The following KYNU variants were observed in gnomAD, a reference collection of about 807,000 sequenced individuals.
The protein encoded by KYNU is L-kynurenine hydrolase.
A neutral mutation model predicts 59.2 loss-of-function variants in KYNU; 54 were observed. That is an observed-to-expected ratio of 0.91 (90% CI 0.73 to 1.14). The LOEUF (loss-of-function observed/expected upper bound fraction) is 1.14, where lower values mean the gene tolerates loss of function less well. KYNU is among the 50% of genes most tolerant of loss of function. The pLI, the probability that KYNU is intolerant of heterozygous loss-of-function variation, is 0.00. For synonymous variants in KYNU, 177 were observed against 192.0 expected, an observed-to-expected ratio of 0.92 and a Z score of 0.65; for missense variants, 567 against 554.4, an observed-to-expected ratio of 1.02 and a Z score of -0.23.
At chr2:142,926,426 A>G (rs1455633445) in intron 3 of KYNU, among the ~76,000 whole-genome samples, 3 of 151,230 alleles carry the variant, frequency 2.0e-5, no homozygotes, top group African/African-American at 7.3e-5. Context: ...TCTCTGTAGT[A>G]AAAAAAAATA....
intron 2 of KYNU, among the ~76,000 whole-genome samples, chr2:142,913,500 C>T (rs565672839): frequency 6.6e-6 from 1 of 152,082 alleles, no homozygotes; most frequent in Non-Finnish European, 1.5e-5. Context: ...TAATAGTGTA[C>T]TTCTGAGAGA....
intron 2 of KYNU, among the ~76,000 whole-genome samples, chr2:142,894,416 C>G (rs910419340): frequency 6.6e-6 from 1 of 152,148 alleles, no homozygotes; most frequent in African/African-American, 2.4e-5. Flanking sequence ...AATCTTCACT[C>G]ACTACCTTCT....
At chr2:143,005,351 T>C in intron 10 of KYNU, among the ~76,000 whole-genome samples, 1 of 152,174 alleles carries the variant, frequency 6.6e-6, no homozygotes, top group East Asian at 1.9e-4. Flanking sequence ...AGCTCTCATA[T>C]ACCAGGTTCC....
chr2:142,984,517 A>T (rs1159356510), intron 8 of KYNU, among the ~76,000 whole-genome samples: 1 of 152,102 alleles, frequency 6.6e-6, no homozygotes, highest in East Asian at 1.9e-4. Flanking sequence ...GTTGTCCATG[A>T]TATAAAAGTG....
At chr2:143,016,992 A>T (rs1425166123) in intron 10 of KYNU, among the ~76,000 whole-genome samples, 1 of 152,122 alleles carries the variant, frequency 6.6e-6, no homozygotes, top group Non-Finnish European at 1.5e-5. Flanking sequence ...ATCAGTGAGA[A>T]CCTGCGATAT....
intron 2 of KYNU, among the ~76,000 whole-genome samples, chr2:142,900,725 A>T (rs1002228223): frequency 6.6e-6 from 1 of 152,108 alleles, no homozygotes; most frequent in Non-Finnish European, 1.5e-5. Flanking sequence ...CTGTTGAGAG[A>T]TTGGCCGATG....
At chr2:142,990,060 C>A (rs1290855259) in intron 10 of KYNU, 2 of 151,818 alleles carry the variant, frequency 1.3e-5, no homozygotes, top group Non-Finnish European at 2.9e-5. Context: ...CAACGCACGG[C>A]ATTAAGCATC....
chr2:142,964,338 G>A (rs11690108), intron 8 of KYNU, among the ~76,000 whole-genome samples: 4,048 of 151,988 alleles, frequency 0.027, 83 homozygotes, highest in Non-Finnish European at 0.046. Flanking sequence ...GAACCATAAG[G>A]TATTTGTATA....
chr2:142,913,353 G>A (rs1004369501), intron 2 of KYNU, among the ~76,000 whole-genome samples: 13 of 152,120 alleles, frequency 8.5e-5, no homozygotes, highest in African/African-American at 3.1e-4. Flanking sequence ...TCATAATACT[G>A]TGTTTGCTGC....
intron 3 of KYNU, 79 bp downstream of exon 3, chr2:142,918,808 G>T: frequency 6.8e-7 from 1 of 1,468,696 alleles, no homozygotes; most frequent in Non-Finnish European, 9.5e-7. Flanking sequence ...CTAATATTTG[G>T]AAAGATGTGT....
chr2:142,947,090 C>A, intron 4 of KYNU: 2 of 1,550,980 alleles, frequency 1.3e-6, no homozygotes, highest in Non-Finnish European at 1.7e-6. Flanking sequence ...ACAATATGTC[C>A]TTTTGTTGCT....
chr2:142,893,052 T>G (rs1245616860), intron 2 of KYNU, among the ~76,000 whole-genome samples: 2 of 152,260 alleles, frequency 1.3e-5, no homozygotes, highest in Admixed American at 6.5e-5. Context: ...AACACAATTT[T>G]TGTTCTTGGT....
chr2:143,051,248 T>C lies in KYNU; in HGVS notation c.*9076T>C, dbSNP rs1351168861. 1 of 152,186 alleles carries C rather than the reference T, an allele frequency of 6.6e-6. No individual in the cohort carries two copies. Among genetic ancestry groups the C allele is most frequent in the Non-Finnish European group, 1.5e-5 (1 of 68,032 alleles). The allele number at this position is 152,186 out of a possible 1,614,324, so 9.4% of individuals were successfully genotyped here. ...ACCCTATCTATTTTTGATAACTTCA[T>C]AGCCTTTAGTATAAAAACAGGTAGG... On this transcript the variant is annotated 3_prime_UTR_variant, in exon 14 of 14. Transcript: ENST00000264170.
chr2:142,884,688 C>CTTTTTTTTTTTTT (rs70997529), intron 1 of KYNU, among the ~76,000 whole-genome samples: 295 of 77,044 alleles, frequency 3.8e-3, no homozygotes, highest in Middle Eastern at 9.8e-3. Context: ...TTCTCTTTTC[C>CTTTTTTTTTTTTT]TTTTTTTTTT....
At chr2:143,014,330 C>G (rs1472213572) in intron 10 of KYNU, among the ~76,000 whole-genome samples, 1 of 152,206 alleles carries the variant, frequency 6.6e-6, no homozygotes, top group Non-Finnish European at 1.5e-5. Flanking sequence ...TATTGGGAAC[C>G]TGAATCAGGT....
intron 3 of KYNU, among the ~76,000 whole-genome samples, chr2:142,927,164 A>G (rs1683069799): frequency 6.6e-6 from 1 of 152,230 alleles, no homozygotes; most frequent in Non-Finnish European, 1.5e-5. Flanking sequence ...TTGATTATTC[A>G]TAAATTTTGT....
chr2:143,020,669 A>G (rs1036942853), intron 10 of KYNU, among the ~76,000 whole-genome samples: 1 of 152,084 alleles, frequency 6.6e-6, no homozygotes, highest in African/African-American at 2.4e-5. Context: ...TTTAACTTTG[A>G]TATTTCTTTG....
chr2:143,004,690 G>A (rs889107231), intron 10 of KYNU, among the ~76,000 whole-genome samples: 20 of 152,128 alleles, frequency 1.3e-4, no homozygotes, highest in Admixed American at 1.2e-3. Context: ...GACAGAGCAA[G>A]ACTCTGTCTC....
At chr2:142,896,018 G>C (rs1442057015) in intron 2 of KYNU, among the ~76,000 whole-genome samples, 1 of 151,692 alleles carries the variant, frequency 6.6e-6, no homozygotes, top group South Asian at 2.1e-4. Context: ...TTTTTCCTTT[G>C]TCTTCTCCTA....
Sources: gnomAD v4.1 joint callset for allele counts (sites outside exome capture counted in the v4.1 genomes callset) on GRCh38, gnomAD v4.1.1 for gene constraint, MANE v1.5 for transcripts, NCBI Gene and HGNC (gene_info 2026-07-23, HGNC 2026-07-21) for gene names.